MTF1: variants seen among roughly 807,000 people sequenced by gnomAD.
MTF1 encodes MRE-binding transcription factor.
MTF1 carries 22 observed loss-of-function variants against 70.4 expected under a neutral mutation model. The observed-to-expected ratio is 0.31, with a 90% CI of 0.22 to 0.45. The LOEUF (loss-of-function observed/expected upper bound fraction) is 0.45. MTF1 is among the 20% of genes least tolerant of loss of function. The pLI is 1.00. For missense variants in MTF1, 649 were observed against 922.0 expected (o/e 0.70, Z 3.83); for synonymous variants, 333 against 352.8 (o/e 0.94, Z 0.63).
intron 2 of MTF1, among the ~76,000 whole-genome samples, chr1:37,844,355 T>C (rs954217120): frequency 4.5e-4 from 68 of 152,320 alleles, no homozygotes; most frequent in African/African-American, 1.4e-3. Flanking sequence ...AGTCCTTCTC[T>C]TCCTTTAACG....
At chr1:37,838,977 G>GT (rs1449996347) in intron 3 of MTF1, among the ~76,000 whole-genome samples, 1 of 151,298 alleles carries the variant, frequency 6.6e-6, no homozygotes, top group East Asian at 1.9e-4. Flanking sequence ...GCTAATTTTT[G>GT]TATTTTTAGT....
At chr1:37,855,323 T>C (rs1332050563) in intron 2 of MTF1, among the ~76,000 whole-genome samples, 3 of 152,160 alleles carry the variant, frequency 2.0e-5, no homozygotes, top group African/African-American at 7.2e-5. Flanking sequence ...AAGTAAAAGC[T>C]TTCTAACAAT....
intron 7 of MTF1, chr1:37,826,701 A>G (rs1641007457): frequency 3.0e-5 from 12 of 406,202 alleles, no homozygotes; most frequent in South Asian, 2.2e-4. Flanking sequence ...ATGTGAGGCC[A>G]GGCGCAGTGG....
rs370456648 is a variant in MTF1 at position 37,818,181 on chromosome 1, G to A, written c.1768-699C>T. 2.0e-5 allele frequency among the ~76,000 whole-genome samples: 3 copies of A among 152,230 alleles called. No homozygotes were observed. The East Asian group carries it at 5.8e-4, about 29-fold the overall frequency. On this transcript the variant is annotated intron_variant, in intron 9 of 10. Coordinates refer to ENST00000373036, the MANE Select transcript of MTF1 (RefSeq NM_005955.3). ...ATGTTGAAAGTTAATCCCCAGTGTGGCAGTATTGAGAGGCTGGGTTTTTAA... is the reference window on the plus strand; with the variant it reads ...ATGTTGAAAGTTAATCCCCAGTGTGACAGTATTGAGAGGCTGGGTTTTTAA...
At chr1:37,856,173 T>A (rs1641490599) in intron 2 of MTF1, among the ~76,000 whole-genome samples, 2 of 52,574 alleles carry the variant, frequency 3.8e-5, no homozygotes, top group Non-Finnish European at 5.1e-5. Context: ...GAATTTCCTT[T>A]TTTTTTTTTT....
In MTF1 at chr1:37,855,597, TG is replaced by T. The variant is rs559340434; in HGVS notation, c.408+1653del. On this transcript the variant is annotated intron_variant, in intron 2 of 10. Transcript: ENST00000373036. Reference sequence around the variant, plus strand: ...CTAAATCATTCACCCTATTTCTGTTTGGTAACATCTTAGTCCTTGGTACTGT... The same window carrying T: ...CTAAATCATTCACCCTATTTCTGTTTGTAACATCTTAGTCCTTGGTACTGT... 2.8e-3 allele frequency among the ~76,000 whole-genome samples: 433 copies of T among 152,316 alleles called. 4 individuals are homozygous for T. The highest frequency in any genetic ancestry group is 4.2e-3 in the Non-Finnish European group (287 of 68,024).
Position 37,822,413 on chromosome 1 carries a change from G to A in MTF1, c.1475C>T (p.Pro492Leu), listed in dbSNP as rs746233691. The A allele has an allele frequency of 9.9e-6, 16 of 1,614,012 alleles. No homozygotes were observed. Among genetic ancestry groups the A allele is most frequent in the African/African-American group, 4.0e-5 (3 of 74,918 alleles). The change falls in exon 9 of 11, where the codon CCG becomes CTG. Residue 492 changes from proline (P) to leucine (L), a missense_variant. Coordinates refer to ENST00000373036, the MANE Select transcript of MTF1 (RefSeq NM_005955.3). The part of the protein sequence containing the change: ...HQEFLPHPQA[P>L]QPIVPGLSVV... ...AGAAAGTCCTGGTACAATGGGCTGC[G>A]GTGCCTGGGGGTGCGGAAGAAACTC...
chr1:37,851,097 T>G (rs1254567343), intron 2 of MTF1, among the ~76,000 whole-genome samples: 1 of 152,172 alleles, frequency 6.6e-6, no homozygotes, highest in Non-Finnish European at 1.5e-5. Context: ...AAACAAAAGC[T>G]AAGCTAAGAC....
At position 37,813,049 on chromosome 1, in the gene MTF1, G is replaced by A. The variant is rs574321358; in HGVS notation, c.*2087C>T. On this transcript the variant is annotated 3_prime_UTR_variant, in exon 11 of 11. Transcript: ENST00000373036. ...TAATCCCAGCACTTTGGGAGACTGA[G>A]GCGGGAGGATCACCTGACGTTGGGA... 6.6e-6 allele frequency: 1 copy of A among 152,450 alleles called. No individual in the cohort carries two copies. Among genetic ancestry groups the A allele is most frequent in the South Asian group, 2.1e-4 (1 of 4,828 alleles). 9.4% of individuals were successfully genotyped at this position (152,450 alleles called of 1,614,324 possible).
Position 37,838,616 on chromosome 1 carries a change from A to G in MTF1, c.779+9T>C. 1 of 1,609,396 alleles carries G rather than the reference A, an allele frequency of 6.2e-7. No homozygotes were observed. Among genetic ancestry groups the G allele is most frequent in the Non-Finnish European group, 8.5e-7 (1 of 1,176,934 alleles). On this transcript the variant is annotated intron_variant, in intron 4 of 10. Coordinates refer to ENST00000373036, the MANE Select transcript of MTF1 (RefSeq NM_005955.3). ...TGGTCAGTGACAAATAGAAAACAGT[A>G]AGACCTACCGAAATGGCTTTTCCCC... is the stretch of plus-strand genomic sequence containing the variant.
chr1:37,835,501 C>T (rs1283906241), intron 5 of MTF1, among the ~76,000 whole-genome samples, 170 bp downstream of exon 5: 1 of 152,016 alleles, frequency 6.6e-6, no homozygotes, highest in African/African-American at 2.4e-5. Flanking sequence ...GGTTGAATAC[C>T]TGAGGTCCGC....
chr1:37,856,037 A>G (rs1641487528), intron 2 of MTF1, among the ~76,000 whole-genome samples: 1 of 152,288 alleles, frequency 6.6e-6, no homozygotes, highest in Middle Eastern at 3.4e-3. Flanking sequence ...ATAACCACTA[A>G]TATAATTTGT....
chr1:37,838,797 C>CTTTTTTTTTTTTTCTTTTTTT (rs1641209979), intron 3 of MTF1, 41 bp from the exon 4 acceptor site: 1 of 421,154 alleles, frequency 2.4e-6, no homozygotes, highest in Admixed American at 8.4e-5. Flanking sequence ...TCATAAAATT[C>CTTTTTTTTTTTTTCTTTTTTT]TTTTTTTTTT....
intron 7 of MTF1, chr1:37,826,458 T>G: frequency 2.6e-6 from 1 of 385,678 alleles, no homozygotes; most frequent in Non-Finnish European, 5.1e-6. Flanking sequence ...TTTTTAAAAA[T>G]TATTTTTAGT....
intron 7 of MTF1, among the ~76,000 whole-genome samples, chr1:37,829,414 C>T (rs1015835459): frequency 6.6e-5 from 10 of 152,112 alleles, no homozygotes. Context: ...CATCCACCCA[C>T]CTCTGCTTCC....
rs375953717 is a variant in MTF1 at position 37,815,431 on chromosome 1, G to T, written c.1967C>A (p.Pro656Gln). The T allele has an allele frequency of 3.7e-6, 6 of 1,612,548 alleles. No individual in the cohort carries two copies. Among genetic ancestry groups the T allele is most frequent in the Non-Finnish European group, 5.1e-6 (6 of 1,179,096 alleles). ...CTGGGGGCTCGGCTCTGGAGGGGGT[G>T]GGGAGGAGCAGCCCTTTCTCCTGCT... ...ASSRRKGCSS[P>Q]PPPEPSPQAP... Residue 656 changes from proline to glutamine, a missense_variant, in exon 11 of 11, where the codon CCA (proline) becomes CAA (glutamine). Pro to Gln is a moderately conservative substitution (Grantham distance 76). Transcript: ENST00000373036. The surrounding 1 kb of genome is among the most constrained non-coding windows in gnomAD (Gnocchi z 4.5).
chr1:37,828,251 C>G (rs745938732), intron 7 of MTF1: 50 of 247,244 alleles, frequency 2.0e-4, no homozygotes, highest in Admixed American at 5.6e-5. Flanking sequence ...GAGATCATGG[C>G]TTTTGGGGGT....
intron 2 of MTF1, among the ~76,000 whole-genome samples, chr1:37,848,465 G>A (rs545726669): frequency 6.6e-6 from 1 of 152,256 alleles, no homozygotes; most frequent in Non-Finnish European, 1.5e-5. Flanking sequence ...AAACAAGTAA[G>A]CCTGATTTAA....
chr1:37,859,463 G>A (rs1641568691), intron 1 of MTF1, 68 bp downstream of exon 1: 1 of 398,702 alleles, frequency 2.5e-6, no homozygotes, highest in African/African-American at 2.1e-5. Context: ...AATGCTTCAG[G>A]AGGGAGCCTA....
Sources: allele counts gnomAD v4.1 joint callset (sites outside exome capture counted in the v4.1 genomes callset), GRCh38; gene constraint gnomAD v4.1.1; non-coding constraint Gnocchi (gnomAD v3.1); transcripts MANE v1.5; gene names NCBI Gene and HGNC (gene_info 2026-07-23, HGNC 2026-07-21).